Variants in STON2 observed in about 807,000 individuals in gnomAD.
STON2 encodes the protein stonin 2, also known as stonin-2.
Under a neutral mutation model 65.7 loss-of-function variants are expected in STON2, and 29 were observed. The ratio of observed to expected loss-of-function variants is 0.44; its 90% CI spans 0.33 to 0.60. The LOEUF is 0.60. Ranked by LOEUF, STON2 falls within the 20% of genes least tolerant of loss-of-function variation. The probability of loss-of-function intolerance (pLI) is 0.03; values close to 1 mark genes in which losing one functional copy is unlikely to be tolerated. For missense variants in STON2, 1,054 were observed against 1,118.1 expected, an observed-to-expected ratio of 0.94 and a Z score of 0.82; for synonymous variants, 404 against 414.2, an observed-to-expected ratio of 0.98 and a Z score of 0.30.
chr14:81,312,037 G>A (rs1216215960), intron 5 of STON2, among the ~76,000 whole-genome samples: 4 of 152,212 alleles, frequency 2.6e-5, no homozygotes, highest in Non-Finnish European at 5.9e-5. Flanking sequence ...ACATGCCCAC[G>A]CTTGTGTACG....
At chr14:81,270,074 T>C (rs8013085) in intron 7 of STON2, 1 of 979,058 alleles carries the variant, frequency 1.0e-6, no homozygotes. Flanking sequence ...ATAATAACAA[T>C]TCCTTTACCC....
At chr14:81,417,868 G>A (rs1246944659) in intron 2 of STON2, among the ~76,000 whole-genome samples, 2 of 152,170 alleles carry the variant, frequency 1.3e-5, no homozygotes, top group East Asian at 3.9e-4. Flanking sequence ...ACAGAGCCAG[G>A]CAGAGAGAGA....
At chr14:81,352,305 C>A (rs1485074351) in intron 4 of STON2, among the ~76,000 whole-genome samples, 2 of 152,162 alleles carry the variant, frequency 1.3e-5, no homozygotes, top group Admixed American at 1.3e-4. Flanking sequence ...ACGGAAACAT[C>A]TATGCTTTCT....
chr14:81,320,187 G>A (rs1343980556), intron 5 of STON2, among the ~76,000 whole-genome samples: 5 of 151,828 alleles, frequency 3.3e-5, no homozygotes, highest in Admixed American at 6.6e-5. Context: ...TACATTCCAA[G>A]AGACGCCAGA....
At chr14:81,364,463 T>C (rs1898631115) in intron 4 of STON2, among the ~76,000 whole-genome samples, 1 of 152,160 alleles carries the variant, frequency 6.6e-6, no homozygotes, top group Admixed American at 6.5e-5. Context: ...TCTAACACTT[T>C]AGCAGTGTTA....
At chr14:81,428,138 T>C (rs1902073822) in intron 1 of STON2, among the ~76,000 whole-genome samples, 1 of 152,224 alleles carries the variant, frequency 6.6e-6, no homozygotes, top group African/African-American at 2.4e-5. Context: ...CAACGCATGA[T>C]AGCTATTGAT....
intron 3 of STON2, among the ~76,000 whole-genome samples, chr14:81,382,427 C>CAT (rs139425871): frequency 0.019 from 2,912 of 151,968 alleles, 112 homozygotes; most frequent in African/African-American, 0.068. Flanking sequence ...AGTATTATTC[C>CAT]ATATATATAA....
upstream of STON2, among the ~76,000 whole-genome samples, chr14:81,400,739 TAG>T (rs1406125735): frequency 1.3e-5 from 2 of 152,108 alleles, no homozygotes; most frequent in Non-Finnish European, 2.9e-5. Flanking sequence ...GGCACACGAA[TAG>T]AGATTGTGAT....
At chr14:81,344,945 C>T (rs762942927) in intron 4 of STON2, among the ~76,000 whole-genome samples, 10 of 152,142 alleles carry the variant, frequency 6.6e-5, no homozygotes, top group Admixed American at 2.0e-4. Context: ...AATCCCTTGG[C>T]GAACCACCAA....
chr14:81,367,754 C>A (rs1031585527), intron 4 of STON2, among the ~76,000 whole-genome samples: 3 of 152,176 alleles, frequency 2.0e-5, no homozygotes, highest in Non-Finnish European at 4.4e-5. Context: ...CTTCACTGCC[C>A]CTCATTTCCC....
chr14:81,393,620 T>C (rs1900181491), intron 3 of STON2, among the ~76,000 whole-genome samples: 1 of 152,206 alleles, frequency 6.6e-6, no homozygotes, highest in Non-Finnish European at 1.5e-5. Context: ...ACCTTCCTCA[T>C]ACAATTGTTG....
chr14:81,349,539 A>T (rs1897944598), intron 4 of STON2, among the ~76,000 whole-genome samples: 2 of 152,162 alleles, frequency 1.3e-5, no homozygotes, highest in African/African-American at 4.8e-5. Flanking sequence ...ACAATGAGAC[A>T]TCTTACCCCT....
At chr14:81,399,187 T>A (rs931556282) in intron 1 of STON2, among the ~76,000 whole-genome samples, 2 of 152,216 alleles carry the variant, frequency 1.3e-5, no homozygotes, top group Non-Finnish European at 2.9e-5. Flanking sequence ...CTAGGCCTAT[T>A]TAAATTAGTT....
chr14:81,337,420 T>C (rs1897416066), intron 4 of STON2, among the ~76,000 whole-genome samples: 1 of 152,186 alleles, frequency 6.6e-6, no homozygotes, highest in Non-Finnish European at 1.5e-5. Flanking sequence ...GGAGTTCATG[T>C]GGGCACAAAG....
chr14:81,374,087 T>C (rs995854378), intron 3 of STON2, among the ~76,000 whole-genome samples: 3 of 128,906 alleles, frequency 2.3e-5, no homozygotes, highest in African/African-American at 8.8e-5. Flanking sequence ...CCCAGCTCAC[T>C]GCAATCTCCA....
chr14:81,310,280 C>A (rs1193074768), intron 5 of STON2, among the ~76,000 whole-genome samples: 1 of 152,170 alleles, frequency 6.6e-6, no homozygotes, highest in African/African-American at 2.4e-5. Context: ...TAGTACCATC[C>A]TGCAGTCATT....
chr14:81,390,535 G>A (rs1900030317), intron 3 of STON2, among the ~76,000 whole-genome samples: 1 of 152,080 alleles, frequency 6.6e-6, no homozygotes, highest in Admixed American at 6.5e-5. Flanking sequence ...CTGCACTCCA[G>A]AGCCTGGGCA....
intron 5 of STON2, among the ~76,000 whole-genome samples, chr14:81,306,068 G>A (rs1896160153): frequency 6.6e-6 from 1 of 151,064 alleles, no homozygotes; most frequent in African/African-American, 2.4e-5. Flanking sequence ...TCAACTCTGT[G>A]AGCAGCCCCC....
At chr14:81,433,065 G>A (rs1161503880) in intron 1 of STON2, among the ~76,000 whole-genome samples, 1 of 152,210 alleles carries the variant, frequency 6.6e-6, no homozygotes, top group Non-Finnish European at 1.5e-5. Context: ...CCAGCAATCT[G>A]CATTTTCTCA....
Sources: gnomAD v4.1 joint callset for allele counts (sites outside exome capture counted in the v4.1 genomes callset) on GRCh38, gnomAD v4.1.1 for gene constraint, MANE v1.5 for transcripts, NCBI Gene and HGNC (gene_info 2026-07-23, HGNC 2026-07-21) for gene names.